Variants in IL23R observed in about 807,000 individuals in gnomAD.
IL23R encodes interleukin-23 receptor.
Under a neutral mutation model 56.9 loss-of-function variants are expected in IL23R, and 34 were observed. The ratio of observed to expected loss-of-function variants is 0.60; its 90% confidence interval spans 0.45 to 0.80. The LOEUF is 0.80. Ranked by LOEUF, IL23R falls within the 30% of genes least tolerant of loss-of-function variation. The probability of loss-of-function intolerance (pLI) is 0.00; values close to 1 mark genes in which losing one functional copy is unlikely to be tolerated. For synonymous variants in IL23R, 230 were observed against 249.2 expected (o/e 0.92, Z 0.73); for missense variants, 635 against 730.0 (o/e 0.87, Z 1.50).
At position 67,171,519 on chromosome 1, in the gene IL23R, A is replaced by G. The variant is rs145366207; in HGVS notation, c.367+1881A>G. Among the ~76,000 whole-genome samples the G allele has an allele frequency of 1.6e-3, 239 of 152,336 alleles. 2 individuals are homozygous for G. The highest frequency in any genetic ancestry group is 0.01 in the Middle Eastern group (3 of 294). On this transcript the variant is annotated intron_variant, in intron 3 of 10. Transcript: ENST00000347310. The stretch of plus-strand genomic sequence containing the variant: ...AGGAACAAGAAATAGAAATTTTTAT[A>G]AAAACTACCAGATTGGTTAACATTG...
chr1:67,146,348 A>G (rs931806350), intron 1 of IL23R, among the ~76,000 whole-genome samples: 1 of 152,194 alleles, frequency 6.6e-6, no homozygotes, highest in Non-Finnish European at 1.5e-5. Flanking sequence ...GAGGGTGCAG[A>G]TCTCTACACG....
At position 67,174,347 on chromosome 1, in the gene IL23R, A is replaced by G. The variant is rs1452956344; in HGVS notation, c.367+4709A>G. Among the ~76,000 whole-genome samples, 5 of 151,544 alleles carry G rather than the reference A, an allele frequency of 3.3e-5. No individual in the cohort carries two copies. In the East Asian group the frequency reaches 9.7e-4, roughly 29 times the overall value. On this transcript the variant is annotated intron_variant, in intron 3 of 10. Coordinates refer to ENST00000347310, the MANE Select transcript of IL23R (RefSeq NM_144701.3). ...ATTTTTCAAAATCCTTGCTAATTTG[A>G]TAGGCTTGAATGACATCTAGTATTG...
chr1:67,229,878 T>C (rs1353667481), intron 7 of IL23R, among the ~76,000 whole-genome samples: 1 of 152,164 alleles, frequency 6.6e-6, no homozygotes, highest in African/African-American at 2.4e-5. Context: ...CCAATTGCAG[T>C]TTTTACTAGT....
chr1:67,254,099 C>T (rs1192546837), intron 9 of IL23R, among the ~76,000 whole-genome samples: 1 of 151,966 alleles, frequency 6.6e-6, no homozygotes, highest in Non-Finnish European at 1.5e-5. Context: ...GACAGAGTCT[C>T]GCTCTATCAT....
intron 6 of IL23R, among the ~76,000 whole-genome samples, chr1:67,216,838 T>C (rs1649874581): frequency 6.6e-6 from 1 of 152,016 alleles, no homozygotes; most frequent in Non-Finnish European, 1.5e-5. Flanking sequence ...AGTCTGAAGG[T>C]TGGTATAAGA....
At chr1:67,203,147 C>A (rs1558241458) in intron 5 of IL23R, among the ~76,000 whole-genome samples, 4 of 152,116 alleles carry the variant, frequency 2.6e-5, no homozygotes, top group African/African-American at 7.2e-5. Context: ...CCATTCTGAT[C>A]TTAATATCAT....
At chr1:67,207,272 A>G (rs1296278970) in intron 6 of IL23R, 1 of 627,016 alleles carries the variant, frequency 1.6e-6, no homozygotes, top group Non-Finnish European at 2.9e-6. Context: ...ATTGCATGGT[A>G]TTGAGGTTTG....
At chr1:67,202,547 C>T (rs568245373) in intron 5 of IL23R, among the ~76,000 whole-genome samples, 2 of 152,260 alleles carry the variant, frequency 1.3e-5, no homozygotes, top group South Asian at 4.1e-4. Context: ...CAGCTTTTCA[C>T]ATACGTTATT....
chr1:67,236,792 C>T lies in IL23R; in HGVS notation c.1035C>T (p.His345=). ...GLTVASISTG[H]LTSDNRGDIG... ...CAGTTGCTTCCATCTCTACAGGGCACCTTACTTCTGGTAAGAAAATACAAC... is the reference window on the plus strand; with the variant it reads ...CAGTTGCTTCCATCTCTACAGGGCATCTTACTTCTGGTAAGAAAATACAAC... The change falls in exon 8 of 11, where the codon CAC becomes CAT. Residue 345 remains histidine (H), a synonymous_variant. Coordinates refer to ENST00000347310, the MANE Select transcript of IL23R (RefSeq NM_144701.3). The T allele has an allele frequency of 6.2e-7, 1 of 1,606,160 alleles. No homozygotes were observed. Among genetic ancestry groups the T allele is most frequent in the Non-Finnish European group, 8.5e-7 (1 of 1,172,852 alleles).
chr1:67,178,225 C>T (rs1389448429), intron 3 of IL23R, among the ~76,000 whole-genome samples: 4 of 151,976 alleles, frequency 2.6e-5, no homozygotes, highest in African/African-American at 7.3e-5. Flanking sequence ...GCCATTTTCA[C>T]GATATTGATT....
chr1:67,253,032 A>C (rs982223316), intron 9 of IL23R, among the ~76,000 whole-genome samples: 4 of 152,190 alleles, frequency 2.6e-5, no homozygotes, highest in Non-Finnish European at 5.9e-5. Context: ...AAGTTAGGTT[A>C]CAGTTCATCC....
At chr1:67,204,256 G>A (rs1026527124) in intron 5 of IL23R, among the ~76,000 whole-genome samples, 12 of 151,928 alleles carry the variant, frequency 7.9e-5, no homozygotes, top group African/African-American at 2.9e-4. Flanking sequence ...GTAGAGATGG[G>A]GTTTCACCAT....
In IL23R at chr1:67,259,219, G is replaced by GAAAAAAAAAA. The variant is rs375556247; in HGVS notation, c.*98_*99insAAAAAAAAAA. On this transcript the variant is annotated 3_prime_UTR_variant, in exon 11 of 11. Coordinates refer to ENST00000347310, the MANE Select transcript of IL23R (RefSeq NM_144701.3). ...TAGAAATTGAATTCTGCCTCTTTTTGAAAAAAATGTATTCACATACAAATC... is the reference window on the plus strand; with the variant it reads ...TAGAAATTGAATTCTGCCTCTTTTTGAAAAAAAAAAAAAAAAATGTATTCACATACAAATC... 4 of 1,239,582 alleles carry GAAAAAAAAAA rather than the reference G, an allele frequency of 3.2e-6. No individual in the cohort carries two copies. The highest frequency in any genetic ancestry group is 1.9e-5 in the Admixed American group (1 of 53,736). 76.8% of individuals were successfully genotyped at this position (1,239,582 alleles called of 1,614,324 possible). A position where few individuals can be genotyped will look rare whatever the true frequency, so the allele number is the denominator to read the frequency against.
chr1:67,141,786 G>A (rs910112645), intron 1 of IL23R, among the ~76,000 whole-genome samples: 10 of 152,032 alleles, frequency 6.6e-5, no homozygotes, highest in African/African-American at 2.4e-4. Context: ...CCGTGGGATT[G>A]AGGAGGAATT....
At chr1:67,144,113 T>C (rs1189114774) in intron 1 of IL23R, among the ~76,000 whole-genome samples, 3 of 152,202 alleles carry the variant, frequency 2.0e-5, no homozygotes, top group Non-Finnish European at 4.4e-5. Context: ...CCTTTTCCAG[T>C]TGATGGTGAA....
chr1:67,176,258 G>A (rs919925098), intron 3 of IL23R, among the ~76,000 whole-genome samples: 1 of 152,200 alleles, frequency 6.6e-6, no homozygotes, highest in Middle Eastern at 3.4e-3. Context: ...AGTAGCTGGG[G>A]GAGACTGAAT....
rs113774065 is a variant in IL23R, at chr1:67,236,386, C to T, written c.956-327C>T. On this transcript the variant is annotated intron_variant, in intron 7 of 10. Coordinates refer to ENST00000347310, the MANE Select transcript of IL23R (RefSeq NM_144701.3). ...AATCAAATAGAGATTAGTTATCATG[C>T]GTTTTTTCTGGCTCAGTAAAATAAA... 2.5e-3 allele frequency among the ~76,000 whole-genome samples: 374 copies of T among 152,268 alleles called. 1 individual carries two copies. The highest frequency in any genetic ancestry group is 3.5e-3 in the Non-Finnish European group (237 of 68,016).
intron 4 of IL23R, among the ~76,000 whole-genome samples, chr1:67,199,785 G>A (rs946162249): frequency 3.9e-5 from 6 of 151,972 alleles, no homozygotes; most frequent in African/African-American, 1.2e-4. Context: ...TGTGGCCCTT[G>A]TCAGATTTGA....
chr1:67,234,907 C>T (rs1004188453), intron 7 of IL23R, among the ~76,000 whole-genome samples: 7 of 151,880 alleles, frequency 4.6e-5, no homozygotes, highest in African/African-American at 7.3e-5. Flanking sequence ...GGGGTTTCAC[C>T]ATATTGGCCA....
Sources: gnomAD v4.1 joint callset for allele counts (sites outside exome capture counted in the v4.1 genomes callset) on GRCh38, gnomAD v4.1.1 for gene constraint, MANE v1.5 for transcripts, NCBI Gene and HGNC (gene_info 2026-07-23, HGNC 2026-07-21) for gene names.